Variants in CAVIN1 observed in about 807,000 individuals in gnomAD.
The protein encoded by CAVIN1 is caveolae-associated protein 1.
Under a neutral mutation model 24.0 loss-of-function variants are expected in CAVIN1, and 16 were observed. That is an observed-to-expected ratio of 0.67 (90% CI 0.45 to 1.01). The LOEUF (loss-of-function observed/expected upper bound fraction) is 1.01, where lower values mean the gene tolerates loss of function less well. Ranked by LOEUF, CAVIN1 falls within the 50% of genes least tolerant of loss-of-function variation. The pLI is 0.00. For missense variants in CAVIN1, 510 were observed against 551.7 expected (o/e 0.92, Z 0.76); for synonymous variants, 256 against 256.4 (o/e 1.00, Z 0.02).
intron 1 of CAVIN1, among the ~76,000 whole-genome samples, chr17:42,410,550 T>C (rs1049113999): frequency 1.3e-5 from 2 of 152,180 alleles, no homozygotes; most frequent in Admixed American, 1.3e-4. Context: ...AGAGCCACAG[T>C]ACATAAACAG....
Position 42,404,581 on chromosome 17 carries a change from G to A in CAVIN1, c.*106C>T. The A allele has an allele frequency of 2.8e-6, 2 of 726,234 alleles. No individual in the cohort carries two copies. Among genetic ancestry groups the A allele is most frequent in the African/African-American group, 1.9e-5 (1 of 52,602 alleles). The allele number at this position is 726,234 out of a possible 1,614,324, so 45.0% of individuals were successfully genotyped here. ...AGTTCCTGGAGGTGTGGGGAGGGGGGCGTGTTTTCAATTTAGAAAAATCTC... is the reference window on the plus strand; with the variant it reads ...AGTTCCTGGAGGTGTGGGGAGGGGGACGTGTTTTCAATTTAGAAAAATCTC... On this transcript the variant is annotated 3_prime_UTR_variant, in exon 2 of 2. Coordinates refer to ENST00000357037, the MANE Select transcript of CAVIN1 (RefSeq NM_012232.6).
intron 1 of CAVIN1, among the ~76,000 whole-genome samples, chr17:42,418,029 C>T (rs1339913993): frequency 2.0e-5 from 3 of 152,066 alleles, no homozygotes; most frequent in African/African-American, 7.2e-5. Context: ...TAGTTGCCTA[C>T]AGTATTCAGT....
At chr17:42,409,670 G>C (rs1403442432) in intron 1 of CAVIN1, among the ~76,000 whole-genome samples, 2 of 151,980 alleles carry the variant, frequency 1.3e-5, no homozygotes, top group Non-Finnish European at 2.9e-5. Context: ...CAGCCTTGGA[G>C]TGCTGTCTTG....
chr17:42,412,097 C>T (rs1348506790), intron 1 of CAVIN1: 30 of 985,220 alleles, frequency 3.0e-5, no homozygotes, highest in Non-Finnish European at 3.5e-5. Context: ...GGCCCAGGCT[C>T]TGGGTAATAT....
At chr17:42,417,838 T>C (rs1265289657) in intron 1 of CAVIN1, among the ~76,000 whole-genome samples, 1 of 152,082 alleles carries the variant, frequency 6.6e-6, no homozygotes, top group Non-Finnish European at 1.5e-5. Flanking sequence ...TTTGTATTTT[T>C]ATTTAGAGAT....
Position 42,404,860 on chromosome 17 carries a change from C to T in CAVIN1, c.1000G>A (p.Glu334Lys), listed in dbSNP as rs864309600. ...ACCATCTCGGTGGCCTTGAGCACTTCCACCTGGCCCTCGCGGATCTTCTTG... is the reference window on the plus strand; with the variant it reads ...ACCATCTCGGTGGCCTTGAGCACTTTCACCTGGCCCTCGCGGATCTTCTTG... ...HVKKIREGQV[E>K]VLKATEMVEV... The change falls in exon 2 of 2, where the codon GAA (glutamate) becomes AAA (lysine). Residue 334 changes from glutamate to lysine, a missense_variant. By Grantham distance (56) the Glu-to-Lys change is moderately conservative. Coordinates refer to ENST00000357037, the MANE Select transcript of CAVIN1 (RefSeq NM_012232.6). 1.2e-6 allele frequency: 2 copies of T among 1,613,630 alleles called. No individual in the cohort carries two copies. The highest frequency in any genetic ancestry group is 3.3e-5 in the Admixed American group (2 of 59,990).
At chr17:42,409,250 G>A (rs1386416395) in intron 1 of CAVIN1, among the ~76,000 whole-genome samples, 9 of 152,070 alleles carry the variant, frequency 5.9e-5, no homozygotes, top group East Asian at 5.8e-4. Context: ...ACAGGCGCAC[G>A]CCACCATGCC....
intron 1 of CAVIN1, among the ~76,000 whole-genome samples, chr17:42,406,817 G>C (rs1365368372): frequency 6.6e-6 from 1 of 151,818 alleles, no homozygotes; most frequent in African/African-American, 2.4e-5. Context: ...ATTGATATTG[G>C]AAAGAGGAAG....
Position 42,403,545 on chromosome 17 carries a change from GGAGAACCACA to G in CAVIN1, c.*1132_*1141del, listed in dbSNP as rs1172902224. The G allele has an allele frequency of 2.0e-5, 3 of 152,868 alleles. No homozygotes were observed. Among genetic ancestry groups the G allele is most frequent in the African/African-American group, 7.2e-5 (3 of 41,428 alleles). 9.5% of individuals were successfully genotyped at this position (152,868 alleles called of 1,614,324 possible). On this transcript the variant is annotated 3_prime_UTR_variant, in exon 2 of 2. Coordinates refer to ENST00000357037, the MANE Select transcript of CAVIN1 (RefSeq NM_012232.6). Reference sequence around the variant, plus strand: ...TCTGAAAAATGGTCCTGCTGCCCATGGAGAACCACAGTAAGATAGATTTCTCATGCAGCTA... The same window carrying G: ...TCTGAAAAATGGTCCTGCTGCCCATGGTAAGATAGATTTCTCATGCAGCTA...
In CAVIN1 at chr17:42,422,994, G is replaced by A; in HGVS notation, c.104C>T (p.Pro35Leu). 2 of 1,613,398 alleles carry A rather than the reference G, an allele frequency of 1.2e-6. No homozygotes were observed. Among genetic ancestry groups the A allele is most frequent in the Non-Finnish European group, 1.7e-6 (2 of 1,179,898 alleles). ...CAGCTCTTCTGAGCCGGCCCCCGAC[G>A]GCTCCTCCGCTGCCTGAGCCCCAGC... is the stretch of plus-strand genomic sequence containing the variant. Reference protein sequence around the residue: ...SSAGAQAAEEPSGAGSEELIK... With the variant: ...SSAGAQAAEELSGAGSEELIK... Residue 35 changes from proline to leucine, a missense_variant, in exon 1 of 2, where the codon CCG becomes CTG. Physicochemically the swap from Pro to Leu is moderately conservative, Grantham distance 98. Coordinates refer to ENST00000357037, the MANE Select transcript of CAVIN1 (RefSeq NM_012232.6).
At chr17:42,407,272 A>G (rs1299527642) in intron 1 of CAVIN1, among the ~76,000 whole-genome samples, 2 of 152,108 alleles carry the variant, frequency 1.3e-5, no homozygotes, top group African/African-American at 2.4e-5. Flanking sequence ...AAATGAAGGA[A>G]CGAGAGATAG....
In CAVIN1 at chr17:42,404,961, G is replaced by C; in HGVS notation, c.899C>G (p.Ser300Cys). 1 of 1,614,164 alleles carries C rather than the reference G, an allele frequency of 6.2e-7. No individual in the cohort carries two copies. The highest frequency in any genetic ancestry group is 8.5e-7 in the Non-Finnish European group (1 of 1,180,012). ...LKTSRDKLRK[S>C]FTPDHVVYAR... Reference sequence around the variant, plus strand: ...GTACACCACGTGGTCGGGCGTGAAGGATTTGCGCAACTTGTCCCGCGACGT... The same window carrying C: ...GTACACCACGTGGTCGGGCGTGAAGCATTTGCGCAACTTGTCCCGCGACGT... The change falls in exon 2 of 2, where the codon TCC becomes TGC. Residue 300 changes from serine to cysteine, a missense_variant. Coordinates refer to ENST00000357037, the MANE Select transcript of CAVIN1 (RefSeq NM_012232.6).
chr17:42,412,079 T>G (rs1176809765), intron 1 of CAVIN1: 9 of 985,098 alleles, frequency 9.1e-6, no homozygotes, highest in Non-Finnish European at 1.1e-5. Context: ...TCCTCTGGGG[T>G]GGGCCGGGGC....
Position 42,405,682 on chromosome 17 carries a change from G to GTTT in CAVIN1, c.472-297_472-295dup, listed in dbSNP as rs531661585. Among the ~76,000 whole-genome samples the GTTT allele has an allele frequency of 0.022, 1,260 of 57,592 alleles. 56 individuals are homozygous for GTTT. The highest frequency in any genetic ancestry group is 0.052 in the African/African-American group (1,047 of 20,322). The allele number at this position is 57,592 out of a possible 152,430, so 37.8% of individuals were successfully genotyped here. ...CCATTCTTTCTCTCTCTCTCTCCTTGTTTTTTTTTTTTTTTTTTTTTTTAA... is the reference window on the plus strand; with the variant it reads ...CCATTCTTTCTCTCTCTCTCTCCTTGTTTTTTTTTTTTTTTTTTTTTTTTTTAA... On this transcript the variant is annotated intron_variant, in intron 1 of 1. Transcript: ENST00000357037.
chr17:42,414,362 T>C (rs2085499349), intron 1 of CAVIN1, among the ~76,000 whole-genome samples: 1 of 151,988 alleles, frequency 6.6e-6, no homozygotes, highest in Non-Finnish European at 1.5e-5. Context: ...CCACTTAAGA[T>C]ATCATACACT....
At chr17:42,420,508 G>A (rs780160579) in intron 1 of CAVIN1, among the ~76,000 whole-genome samples, 1 of 152,184 alleles carries the variant, frequency 6.6e-6, no homozygotes. Context: ...TCAGTTCTTA[G>A]TTATTCCCTC....
At chr17:42,422,533 C>A (rs2085557634) in intron 1 of CAVIN1, 94 bp downstream of exon 1, 1 of 796,078 alleles carries the variant, frequency 1.3e-6, no homozygotes, top group Non-Finnish European at 1.8e-6. Flanking sequence ...GGGAGGGGAG[C>A]AGCGCCACGG....
chr17:42,408,851 C>T (rs1426137531), intron 1 of CAVIN1, among the ~76,000 whole-genome samples: 3 of 137,434 alleles, frequency 2.2e-5, no homozygotes, highest in Non-Finnish European at 3.0e-5. Flanking sequence ...AGTGCAGTGG[C>T]GCGATCTCGG....
rs769054964 is a variant in CAVIN1, at chr17:42,423,032, C to T, written c.66G>A (p.Pro22=). The T allele has an allele frequency of 7.4e-6, 12 of 1,611,460 alleles. No homozygotes were observed. Among genetic ancestry groups the T allele is most frequent in the East Asian group, 2.2e-5 (1 of 44,824 alleles). The change falls in exon 1 of 2, where the codon CCG becomes CCA. Residue 22 remains proline (P), a synonymous_variant. Coordinates refer to ENST00000357037, the MANE Select transcript of CAVIN1 (RefSeq NM_012232.6). ...CCTGAGCCCCAGCGGAGGAAGGCTC[C>T]GGGGCCTCGGCGTCGGGGTACCCGG... ...PLPGYPDAEA[P]EPSSAGAQAA... is the part of the protein sequence containing the mutation.
Sources: gnomAD v4.1 joint callset for allele counts (sites outside exome capture counted in the v4.1 genomes callset) on GRCh38, gnomAD v4.1.1 for gene constraint, MANE v1.5 for transcripts, NCBI Gene and HGNC (gene_info 2026-07-23, HGNC 2026-07-21) for gene names.